Variants in PDCD4 observed in about 807,000 individuals in gnomAD.
The protein encoded by PDCD4 is programmed cell death 4.
In PDCD4, 56 loss-of-function variants were observed where a neutral mutation model predicts 54.0. That is an observed-to-expected ratio of 1.04 (90% CI 0.84 to 1.30). PDCD4 has a LOEUF of 1.30. Among genes scored for constraint, PDCD4 ranks in the 50% most tolerant of loss-of-function variants. PDCD4 has a pLI of 0.00. For missense variants in PDCD4, 584 were observed against 559.8 expected, an observed-to-expected ratio of 1.04 and a Z score of -0.44; for synonymous variants, 186 against 194.8, an observed-to-expected ratio of 0.95 and a Z score of 0.37.
intron 6 of PDCD4, 108 bp from the exon 7 acceptor site, chr10:110,889,425 T>C: frequency 1.4e-6 from 1 of 725,488 alleles, no homozygotes. Flanking sequence ...ATCTTTTAGG[T>C]ACTGACTGTG....
chr10:110,881,587 T>A (rs985395856), intron 3 of PDCD4, 52 bp downstream of exon 3: 1 of 1,488,864 alleles, frequency 6.7e-7, no homozygotes, highest in Non-Finnish European at 9.2e-7. Flanking sequence ...GGAAAAAAAT[T>A]GTCTGGTTCT....
At position 110,881,287 on chromosome 10, in the gene PDCD4, C is replaced by CT. The variant is rs1845587249; in HGVS notation, c.99dup (p.Glu34Ter). 2 of 1,613,384 alleles carry CT rather than the reference C, an allele frequency of 1.2e-6. No individual in the cohort carries two copies. The highest frequency in any genetic ancestry group is 1.7e-6 in the Non-Finnish European group (2 of 1,179,468). On this transcript the variant is annotated frameshift_variant, in exon 3 of 12. Transcript: ENST00000280154. LOFTEE classifies it high-confidence loss of function. Reference sequence around the variant, plus strand: ...TCCGGTGATGAAGAAAATGCTGGGACTGAGGAAATAAAGAATGAAATAAAT... The same window carrying CT: ...TCCGGTGATGAAGAAAATGCTGGGACTTGAGGAAATAAAGAATGAAATAAAT...
At chr10:110,875,411 A>C (rs973910915) in intron 1 of PDCD4, among the ~76,000 whole-genome samples, 2 of 152,144 alleles carry the variant, frequency 1.3e-5, no homozygotes, top group Admixed American at 6.5e-5. Context: ...GTTTCTCCCA[A>C]AGTCTTATTC....
chr10:110,895,062 T>A (rs1451990161), intron 10 of PDCD4, among the ~76,000 whole-genome samples: 1 of 152,092 alleles, frequency 6.6e-6, no homozygotes, highest in Non-Finnish European at 1.5e-5. Flanking sequence ...CAGTTTTACT[T>A]ATTTTTTTAT....
chr10:110,889,667 TAGG>T (rs1429101481), intron 7 of PDCD4, 37 bp downstream of exon 7: 1 of 1,156,646 alleles, frequency 8.6e-7, no homozygotes, highest in East Asian at 2.3e-5. Context: ...AATTTCAAAA[TAGG>T]GGAAAATTCT....
chr10:110,898,085 C>T lies in PDCD4; in HGVS notation c.1407C>T (p.Tyr469=). 6.4e-7 allele frequency: 1 copy of T among 1,562,556 alleles called. No homozygotes were observed. The highest frequency in any genetic ancestry group is 8.7e-7 in the Non-Finnish European group (1 of 1,148,784). ...GAGGTCGTCTTAAACCAGAGAGCTA[C>T]TGAATATAAGAACTCTTGCAGTCTT... is the stretch of plus-strand genomic sequence containing the variant. ...GDGGRLKPES[Y] is the part of the protein sequence containing the mutation. The change falls in exon 12 of 12, where the codon TAC becomes TAT. Residue 469 remains tyrosine, a synonymous_variant. Transcript: ENST00000280154.
intron 8 of PDCD4, among the ~76,000 whole-genome samples, chr10:110,892,561 T>C (rs1845771773): frequency 6.6e-6 from 1 of 152,212 alleles, no homozygotes; most frequent in Non-Finnish European, 1.5e-5. Flanking sequence ...TAAAAGTAAG[T>C]AATATAATTT....
rs749445123 is a variant in PDCD4 at position 110,881,494 on chromosome 10, G to A, written c.305G>A (p.Arg102Lys). Reference sequence around the variant, plus strand: ...AGTCCAAAGGGAAGGTTGCTGGATAGGCGATCCAGATCTGGGAAAGGAAGG... The same window carrying A: ...AGTCCAAAGGGAAGGTTGCTGGATAAGCGATCCAGATCTGGGAAAGGAAGG... ...PTSPKGRLLD[R>K]RSRSGKGRGL... The change falls in exon 3 of 12, where the codon AGG becomes AAG. Residue 102 changes from arginine (R) to lysine (K), a missense_variant. Transcript: ENST00000280154. 3 of 1,613,454 alleles carry A rather than the reference G, an allele frequency of 1.9e-6. No individual in the cohort carries two copies.
chr10:110,876,828 G>A, intron 2 of PDCD4: 1 of 474,772 alleles, frequency 2.1e-6, no homozygotes, highest in Non-Finnish European at 3.8e-6. Flanking sequence ...TTAGAATTGT[G>A]TAATATCTGA....
intron 6 of PDCD4, among the ~76,000 whole-genome samples, chr10:110,889,236 A>G (rs1039603732): frequency 6.6e-6 from 1 of 151,894 alleles, no homozygotes; most frequent in African/African-American, 2.4e-5. Context: ...AAAAAAAAAA[A>G]AAAAAAAAAT....
intron 1 of PDCD4, 124 bp from the exon 2 acceptor site, chr10:110,875,842 A>G: frequency 2.3e-6 from 1 of 443,432 alleles, no homozygotes; most frequent in Non-Finnish European, 4.1e-6. Flanking sequence ...GTTTTATTTA[A>G]TGGAATTGTG....
intron 11 of PDCD4, among the ~76,000 whole-genome samples, chr10:110,897,358 G>A (rs553302905): frequency 4.9e-4 from 75 of 152,280 alleles, no homozygotes; most frequent in Non-Finnish European, 8.1e-4. Flanking sequence ...TGTGCCTATT[G>A]GCCTGGGGTC....
rs531490781 is a variant in PDCD4 at position 110,877,437 on chromosome 10, A to G, written c.43+1367A>G. On this transcript the variant is annotated intron_variant, in intron 2 of 11. Transcript: ENST00000280154. Reference sequence around the variant, plus strand: ...GTTGAGATGAAGGTCAACTATCTCAATAATTTGTTATATTGCTTGCATGTT... The same window carrying G: ...GTTGAGATGAAGGTCAACTATCTCAGTAATTTGTTATATTGCTTGCATGTT... Among the ~76,000 whole-genome samples the G allele has an allele frequency of 2.0e-5, 3 of 152,308 alleles. No individual in the cohort carries two copies. In the South Asian group the frequency reaches 6.2e-4, roughly 32 times the overall value.
At chr10:110,877,954 A>G (rs1482739371) in intron 2 of PDCD4, among the ~76,000 whole-genome samples, 1 of 152,198 alleles carries the variant, frequency 6.6e-6, no homozygotes, top group Non-Finnish European at 1.5e-5. Context: ...AAAGTGTGGT[A>G]ATGTTATTCT....
Position 110,898,319 on chromosome 10 carries a change from G to A in PDCD4, c.*231G>A, listed in dbSNP as rs1845882009. The A allele has an allele frequency of 3.0e-6, 1 of 338,162 alleles. No individual in the cohort carries two copies. Among genetic ancestry groups the A allele is most frequent in the Non-Finnish European group, 5.3e-6 (1 of 189,872 alleles). 20.9% of individuals were successfully genotyped at this position (338,162 alleles called of 1,614,324 possible). A position where few individuals can be genotyped will look rare whatever the true frequency, so the allele number is the denominator to read the frequency against. On this transcript the variant is annotated 3_prime_UTR_variant, in exon 12 of 12. Transcript: ENST00000280154. ...ACAGAAAAGTAACCTCTTCTTAAGT[G>A]GAATATTCTAATAAGCTACCTTTTG...
intron 8 of PDCD4, among the ~76,000 whole-genome samples, chr10:110,891,406 CAA>C (rs376743141): frequency 1.3e-4 from 9 of 68,704 alleles, no homozygotes; most frequent in African/African-American, 2.8e-4. Context: ...GACTCTGTCT[CAA>C]AAAAAAAAAA....
intron 6 of PDCD4, among the ~76,000 whole-genome samples, chr10:110,889,095 G>A (rs1278990166): frequency 2.6e-5 from 4 of 151,754 alleles, no homozygotes; most frequent in African/African-American, 4.8e-5. Context: ...CCAGGTGTGC[G>A]CCTGTAGTCC....
intron 2 of PDCD4, among the ~76,000 whole-genome samples, chr10:110,876,329 A>G (rs947566225): frequency 1.3e-5 from 2 of 152,170 alleles, no homozygotes; most frequent in Non-Finnish European, 2.9e-5. Context: ...AAGCTTGACT[A>G]TGTTGTGAGG....
intron 1 of PDCD4, among the ~76,000 whole-genome samples, chr10:110,873,379 A>G (rs999519277): frequency 4.6e-5 from 7 of 152,260 alleles, no homozygotes; most frequent in African/African-American, 1.7e-4. Context: ...ATAAATGGCC[A>G]AAGCTTGACT....
Sources: allele counts gnomAD v4.1 joint callset (sites outside exome capture counted in the v4.1 genomes callset), GRCh38; gene constraint gnomAD v4.1.1; transcripts MANE v1.5; gene names NCBI Gene and HGNC (gene_info 2026-07-23, HGNC 2026-07-21).